Variants in SLC2A12 observed in about 807,000 individuals in gnomAD.
The protein encoded by SLC2A12 is solute carrier family 2 member 12.
A neutral mutation model predicts 41.8 loss-of-function variants in SLC2A12; 23 were observed. The ratio of observed to expected loss-of-function variants is 0.55; its 90% confidence interval spans 0.40 to 0.78. The LOEUF (loss-of-function observed/expected upper bound fraction) is 0.78, where lower values mean the gene tolerates loss of function less well. Ranked by LOEUF, SLC2A12 falls within the 30% of genes least tolerant of loss-of-function variation. SLC2A12 has a pLI of 0.00. For missense variants in SLC2A12, 654 were observed against 745.6 expected, an observed-to-expected ratio of 0.88 and a Z score of 1.43; for synonymous variants, 295 against 285.9, an observed-to-expected ratio of 1.03 and a Z score of -0.32.
chr6:134,018,195 C>T (rs1425139699), intron 2 of SLC2A12, among the ~76,000 whole-genome samples: 2 of 152,172 alleles, frequency 1.3e-5, no homozygotes, highest in Non-Finnish European at 2.9e-5. Context: ...AACTGTTCAC[C>T]TCATGTCTAG....
intron 4 of SLC2A12, among the ~76,000 whole-genome samples, chr6:133,997,701 T>C (rs1291128416): frequency 6.6e-6 from 1 of 152,176 alleles, no homozygotes; most frequent in African/African-American, 2.4e-5. Flanking sequence ...TTGGGTACTA[T>C]GTTCACTACC....
intron 1 of SLC2A12, among the ~76,000 whole-genome samples, chr6:134,051,122 C>T (rs895637037): frequency 1.3e-5 from 2 of 152,058 alleles, no homozygotes; most frequent in Non-Finnish European, 1.5e-5. Context: ...ATAGGGTTTC[C>T]GCTCTGTTGG....
chr6:134,028,896 A>T lies in SLC2A12; in HGVS notation c.929T>A (p.Phe310Tyr). 4.3e-6 allele frequency: 7 copies of T among 1,614,230 alleles called. No individual in the cohort carries two copies. The highest frequency in any genetic ancestry group is 5.9e-6 in the Non-Finnish European group (7 of 1,180,046). The change falls in exon 2 of 5, where the codon TTT (phenylalanine) becomes TAT (tyrosine). Residue 310 changes from phenylalanine (F) to tyrosine (Y), a missense_variant. This residue lies in a region of SLC2A12 where 411 missense variants were observed against 412.1 expected (regional missense o/e 1.00). Coordinates refer to ENST00000275230, the MANE Select transcript of SLC2A12 (RefSeq NM_145176.3). ...GAGGCTAGCTGCCTCATTGCTTTGA[A>T]ATCCAACTGACTTCAAAACAGTTGA... ...YASTVLKSVG[F>Y]QSNEAASLAS...
At chr6:134,047,741 G>C (rs1484401169) in intron 1 of SLC2A12, among the ~76,000 whole-genome samples, 1 of 152,244 alleles carries the variant, frequency 6.6e-6, no homozygotes. Flanking sequence ...CGGTGATGTT[G>C]AGAATATTTA....
chr6:134,036,217 A>G (rs1777296874), intron 1 of SLC2A12, among the ~76,000 whole-genome samples: 1 of 152,206 alleles, frequency 6.6e-6, no homozygotes, highest in Non-Finnish European at 1.5e-5. Context: ...AGCTTGACCA[A>G]CTGTGAATAC....
chr6:134,037,216 G>A (rs906937406), intron 1 of SLC2A12, among the ~76,000 whole-genome samples: 22 of 140,244 alleles, frequency 1.6e-4, no homozygotes, highest in Middle Eastern at 3.7e-3. Flanking sequence ...GTGCAGTGGC[G>A]CGATTTCGGC....
At position 134,052,527 on chromosome 6, in the gene SLC2A12, A is replaced by G. The variant is rs749402702; in HGVS notation, c.-47T>C. ...GCTTCCCCGCCACCAAACCGCCCCG[A>G]CCACCCCCGCTCCCAGGAGTGGTCA... On this transcript the variant is annotated 5_prime_UTR_variant, in exon 1 of 5. Transcript: ENST00000275230. 6.7e-7 allele frequency: 1 copy of G among 1,482,498 alleles called. No homozygotes were observed. The highest frequency in any genetic ancestry group is 1.7e-5 in the Admixed American group (1 of 59,514). 91.8% of individuals were successfully genotyped at this position (1,482,498 alleles called of 1,614,324 possible).
rs931491466 is a variant in SLC2A12, at chr6:133,988,932, A to G, written c.*2223T>C. 7.2e-5 allele frequency: 11 copies of G among 152,202 alleles called. No individual in the cohort carries two copies. The highest frequency in any genetic ancestry group is 2.4e-4 in the African/African-American group (10 of 41,470). 9.4% of individuals were successfully genotyped at this position (152,202 alleles called of 1,614,324 possible). On this transcript the variant is annotated 3_prime_UTR_variant, in exon 5 of 5. Coordinates refer to ENST00000275230, the MANE Select transcript of SLC2A12 (RefSeq NM_145176.3). ...AAGAAACATAGAATAGGGGGAAAAC[A>G]TGCTTATATAGCCAAGGTACAGATC...
At chr6:133,998,959 A>G (rs1776724880) in intron 4 of SLC2A12, among the ~76,000 whole-genome samples, 1 of 152,238 alleles carries the variant, frequency 6.6e-6, no homozygotes, top group Non-Finnish European at 1.5e-5. Flanking sequence ...TGAACAGTGG[A>G]TACTTTTTAA....
chr6:134,016,361 T>C (rs1377432763), intron 2 of SLC2A12, among the ~76,000 whole-genome samples: 1 of 152,082 alleles, frequency 6.6e-6, no homozygotes, highest in African/African-American at 2.4e-5. Context: ...CTCTCTATTA[T>C]GAAAAATGTG....
At chr6:134,020,688 T>G (rs1344940608) in intron 2 of SLC2A12, among the ~76,000 whole-genome samples, 3 of 152,210 alleles carry the variant, frequency 2.0e-5, no homozygotes, top group African/African-American at 7.2e-5. Context: ...GTGAAATGAC[T>G]GTTCTCTTTA....
intron 1 of SLC2A12, among the ~76,000 whole-genome samples, chr6:134,032,325 A>G (rs1777219144): frequency 1.3e-5 from 2 of 150,774 alleles, no homozygotes; most frequent in African/African-American, 4.9e-5. Flanking sequence ...CTGAAATTAA[A>G]TCAGCAATTT....
intron 4 of SLC2A12, among the ~76,000 whole-genome samples, chr6:133,996,892 T>C (rs2114419206): frequency 6.6e-6 from 1 of 152,190 alleles, no homozygotes; most frequent in East Asian, 1.9e-4. Flanking sequence ...TTGGTCAATT[T>C]ACATAAGCCA....
At chr6:133,996,021 A>T (rs1194858800) in intron 4 of SLC2A12, among the ~76,000 whole-genome samples, 1 of 152,218 alleles carries the variant, frequency 6.6e-6, no homozygotes, top group African/African-American at 2.4e-5. Context: ...AGATCCGCCC[A>T]GTTGAAAGTA....
chr6:133,998,208 G>T lies in SLC2A12; in HGVS notation c.1700+3789C>A, dbSNP rs373014401. On this transcript the variant is annotated intron_variant, in intron 4 of 4. Transcript: ENST00000275230. The stretch of plus-strand genomic sequence containing the variant: ...AATTCTGAATTAATAAGTTCTGTTG[G>T]GTTTTAGATACCCACATCATATGTT... Among the ~76,000 whole-genome samples, 11 of 152,178 alleles carry T rather than the reference G, an allele frequency of 7.2e-5. 1 individual carries two copies. The East Asian group carries it at 1.5e-3, about 21-fold the overall frequency.
In SLC2A12 at chr6:134,028,735, C is replaced by T. The variant is rs371453054; in HGVS notation, c.1090G>A (p.Val364Ile). 8.7e-6 allele frequency: 14 copies of T among 1,614,038 alleles called. No individual in the cohort carries two copies. Among genetic ancestry groups the T allele is most frequent in the East Asian group, 2.2e-5 (1 of 44,884 alleles). The change falls in exon 2 of 5, where the codon GTA (valine) becomes ATA (isoleucine). Residue 364 changes from valine (V) to isoleucine (I), a missense_variant. Val to Ile is a conservative substitution (Grantham distance 29). This residue lies in a region of SLC2A12 where 411 missense variants were observed against 412.1 expected (regional missense o/e 1.00). Transcript: ENST00000275230. Reference protein sequence around the residue: ...MAASLVTMGIVNLNIHMNFTH... With the variant: ...MAASLVTMGIINLNIHMNFTH... ...AAGTTCATGTGGATGTTGAGATTTA[C>T]GATGCCCATGGTCACCAACGAAGCT... is the stretch of plus-strand genomic sequence containing the variant.
intron 1 of SLC2A12, among the ~76,000 whole-genome samples, chr6:134,034,528 T>C (rs188815587): frequency 1.4e-4 from 21 of 152,320 alleles, no homozygotes; most frequent in Non-Finnish European, 2.4e-4. Context: ...GGTGCTACTT[T>C]ACAAAGAGAG....
intron 4 of SLC2A12, 71 bp downstream of exon 4, chr6:134,001,926 C>T (rs1241364016): frequency 1.3e-6 from 2 of 1,497,014 alleles, no homozygotes; most frequent in Non-Finnish European, 1.8e-6. Context: ...GATATTATTC[C>T]TTTGCTGTAT....
At chr6:134,034,085 G>A (rs1777260187) in intron 1 of SLC2A12, among the ~76,000 whole-genome samples, 1 of 152,044 alleles carries the variant, frequency 6.6e-6, no homozygotes, top group African/African-American at 2.4e-5. Context: ...AGACATTAAG[G>A]AATTATTTTT....
Sources: gnomAD v4.1 joint callset for allele counts (sites outside exome capture counted in the v4.1 genomes callset) on GRCh38, gnomAD v4.1.1 for gene constraint, gnomAD v4.1.1 regional missense constraint, MANE v1.5 for transcripts, NCBI Gene and HGNC (gene_info 2026-07-23, HGNC 2026-07-21) for gene names.